The following DCTN4 variants were observed in gnomAD, a reference collection of about 807,000 sequenced individuals.
The protein encoded by DCTN4 is dynactin subunit 4.
A neutral mutation model predicts 62.7 loss-of-function variants in DCTN4; 23 were observed. The observed-to-expected ratio is 0.37, with a 90% CI of 0.26 to 0.52. The LOEUF is 0.52. Ranked by LOEUF, DCTN4 falls within the 20% of genes least tolerant of loss-of-function variation. The probability of loss-of-function intolerance (pLI) is 0.92; values close to 1 mark genes in which losing one functional copy is unlikely to be tolerated. For synonymous variants in DCTN4, 199 were observed against 202.1 expected (o/e 0.98, Z 0.13); for missense variants, 514 against 580.4 (o/e 0.89, Z 1.18).
At position 150,733,658 on chromosome 5, in the gene DCTN4, A is replaced by C. The variant is rs1581583358; in HGVS notation, c.430-183T>G. On this transcript the variant is annotated intron_variant, in intron 4 of 12. Coordinates refer to ENST00000447998, the MANE Select transcript of DCTN4 (RefSeq NM_016221.4). Reference sequence around the variant, plus strand: ...TGATCTGTTTTCCGAAGTGAAATGGAAAACTGAAGTTCAAGGATGGGAAGA... The same window carrying C: ...TGATCTGTTTTCCGAAGTGAAATGGCAAACTGAAGTTCAAGGATGGGAAGA... 6.4e-6 allele frequency: 3 copies of C among 468,430 alleles called. No individual in the cohort carries two copies. In the East Asian group the frequency reaches 1.0e-4, roughly 16 times the overall value. The allele number at this position is 468,430 out of a possible 1,614,324, so 29.0% of individuals were successfully genotyped here.
At chr5:150,741,463 C>T (rs1050386620) in intron 4 of DCTN4, among the ~76,000 whole-genome samples, 2 of 152,108 alleles carry the variant, frequency 1.3e-5, no homozygotes, top group African/African-American at 4.8e-5. Context: ...GCATGAGCCA[C>T]TGCGTTTGTC....
intron 1 of DCTN4, 110 bp from the exon 2 acceptor site, chr5:150,756,597 T>A: frequency 3.7e-6 from 2 of 545,322 alleles, no homozygotes; most frequent in Non-Finnish European, 6.1e-6. Context: ...TAGCAGAAAG[T>A]AGACTGTTTT....
intron 4 of DCTN4, chr5:150,733,854 A>T (rs576465494): frequency 1.3e-5 from 2 of 158,806 alleles, no homozygotes; most frequent in Non-Finnish European, 2.8e-5. Context: ...TTTAATTTTT[A>T]AAATACATTT....
Position 150,711,334 on chromosome 5 carries a change from C to T in DCTN4, c.1198G>A (p.Val400Met). 3 of 1,613,132 alleles carry T rather than the reference C, an allele frequency of 1.9e-6. No homozygotes were observed. Among genetic ancestry groups the T allele is most frequent in the South Asian group, 1.1e-5 (1 of 91,024 alleles). ...GGTGTAACTTTGATGAAAATACCCACTTTGTTGGCCTTTCTGAAGGCTATA... is the reference window on the plus strand; with the variant it reads ...GGTGTAACTTTGATGAAAATACCCATTTTGTTGGCCTTTCTGAAGGCTATA... ...DIIAFRKANKVGIFIKVTPQR... is the reference protein window; with the variant it reads ...DIIAFRKANKMGIFIKVTPQR... Residue 400 changes from valine to methionine, a missense_variant, in exon 13 of 13, where the codon GTG becomes ATG. Transcript: ENST00000447998.
intron 8 of DCTN4, among the ~76,000 whole-genome samples, chr5:150,724,750 C>T (rs993347478): frequency 6.6e-6 from 1 of 152,128 alleles, no homozygotes; most frequent in African/African-American, 2.4e-5. Flanking sequence ...CATGGGTCTA[C>T]GTCTGCATAC....
chr5:150,755,407 A>G (rs1010954531), intron 2 of DCTN4: 1 of 379,668 alleles, frequency 2.6e-6, no homozygotes, highest in South Asian at 1.9e-5. Flanking sequence ...AAGGAAAAGC[A>G]GTAACTTTAC....
intron 2 of DCTN4, chr5:150,755,409 T>C: frequency 2.6e-6 from 1 of 381,182 alleles, no homozygotes. Context: ...GGAAAAGCAG[T>C]AACTTTACAG....
chr5:150,753,818 A>T (rs936083108), intron 2 of DCTN4, among the ~76,000 whole-genome samples, 161 bp from the exon 3 acceptor site: 1 of 152,254 alleles, frequency 6.6e-6, no homozygotes, highest in Non-Finnish European at 1.5e-5. Context: ...TATGTTCATT[A>T]GTTTAAAAAA....
chr5:150,758,678 G>T, intron 1 of DCTN4, 181 bp downstream of exon 1: 1 of 1,293,998 alleles, frequency 7.7e-7, no homozygotes, highest in Non-Finnish European at 1.0e-6. Flanking sequence ...TCCCACCCGA[G>T]GCTGCTCCTC....
intron 4 of DCTN4, among the ~76,000 whole-genome samples, chr5:150,740,645 G>A (rs764933344): frequency 2.6e-5 from 4 of 152,164 alleles, no homozygotes; most frequent in South Asian, 2.1e-4. Context: ...ATAGGAAACC[G>A]GTCCAAATGC....
chr5:150,731,742 G>T, intron 5 of DCTN4: 2 of 761,674 alleles, frequency 2.6e-6, no homozygotes, highest in Non-Finnish European at 4.4e-6. Context: ...GTGAGCTTCT[G>T]CTAGTAATCT....
At chr5:150,711,491 C>A in intron 12 of DCTN4, 129 bp from the exon 13 acceptor site, 1 of 727,654 alleles carries the variant, frequency 1.4e-6, no homozygotes, top group Non-Finnish European at 2.2e-6. Flanking sequence ...ACACTTTGTT[C>A]TTAACCTACC....
chr5:150,741,983 ACTGT>A, intron 4 of DCTN4, 127 bp downstream of exon 4: 1 of 788,148 alleles, frequency 1.3e-6, no homozygotes, highest in South Asian at 1.4e-5. Context: ...AATGAGAAGC[ACTGT>A]CTATGTGCAA....
chr5:150,758,463 T>A (rs748304932), intron 1 of DCTN4: 1 of 993,716 alleles, frequency 1.0e-6, no homozygotes, highest in Non-Finnish European at 1.2e-6. Context: ...ATGGGAGAAC[T>A]ATGAATGAGA....
intron 9 of DCTN4, among the ~76,000 whole-genome samples, chr5:150,722,195 T>C (rs908139813): frequency 1.3e-5 from 2 of 152,220 alleles, no homozygotes; most frequent in Non-Finnish European, 2.9e-5. Flanking sequence ...TTTTAATGGC[T>C]TCTGGGTTTC....
intron 8 of DCTN4, among the ~76,000 whole-genome samples, chr5:150,729,947 T>G (rs974573747): frequency 1.3e-5 from 2 of 151,720 alleles, no homozygotes; most frequent in Non-Finnish European, 2.9e-5. Context: ...ACTCTATACA[T>G]TGTGTTTGGT....
intron 8 of DCTN4, among the ~76,000 whole-genome samples, chr5:150,728,267 A>G (rs1295044578): frequency 6.6e-6 from 1 of 152,204 alleles, no homozygotes; most frequent in Non-Finnish European, 1.5e-5. Flanking sequence ...TTTTAACTGA[A>G]AAAGAATTTC....
chr5:150,742,272 T>G, intron 3 of DCTN4, 115 bp from the exon 4 acceptor site: 41 of 983,746 alleles, frequency 4.2e-5, no homozygotes, highest in Non-Finnish European at 5.9e-5. Context: ...ATATAGACCA[T>G]TCTGGTCTAT....
intron 8 of DCTN4, among the ~76,000 whole-genome samples, chr5:150,729,817 A>G (rs1760292846): frequency 6.6e-6 from 1 of 151,994 alleles, no homozygotes; most frequent in Admixed American, 6.6e-5. Flanking sequence ...CGAAAATGCT[A>G]CCAGTGTTTA....
Sources: allele counts gnomAD v4.1 joint callset (sites outside exome capture counted in the v4.1 genomes callset), GRCh38; gene constraint gnomAD v4.1.1; transcripts MANE v1.5; gene names NCBI Gene and HGNC (gene_info 2026-07-23, HGNC 2026-07-21).